Variants in DOCK3 observed in about 807,000 individuals in gnomAD.
DOCK3 encodes the protein dedicator of cytokinesis protein 3.
A neutral mutation model predicts 265.6 loss-of-function variants in DOCK3; 60 were observed. That is an observed-to-expected ratio of 0.23 (90% CI 0.18 to 0.28). DOCK3 has a LOEUF of 0.28. Ranked by LOEUF, DOCK3 falls within the 10% of genes least tolerant of loss-of-function variation. DOCK3 has a pLI of 1.00. For synonymous variants in DOCK3, 881 were observed against 938.0 expected, an observed-to-expected ratio of 0.94 and a Z score of 1.11; for missense variants, 1,981 against 2,594.3, an observed-to-expected ratio of 0.76 and a Z score of 5.14.
At chr3:51,275,321 C>T in intron 25 of DOCK3, 115 bp downstream of exon 25, 1 of 1,494,666 alleles carries the variant, frequency 6.7e-7, no homozygotes, top group Non-Finnish European at 9.1e-7. Flanking sequence ...CAGATGCTTT[C>T]ATCAGTGACA....
intron 9 of DOCK3, among the ~76,000 whole-genome samples, chr3:51,109,158 A>G (rs544723612): frequency 6.6e-6 from 1 of 152,326 alleles, no homozygotes; most frequent in East Asian, 1.9e-4. Context: ...CAAAGCAAGC[A>G]AAGTCACATC....
intron 2 of DOCK3, among the ~76,000 whole-genome samples, chr3:50,793,577 C>T (rs1201087334): frequency 6.6e-6 from 1 of 151,996 alleles, no homozygotes; most frequent in Non-Finnish European, 1.5e-5. Flanking sequence ...AGGCTGGTCT[C>T]GAACTCCTGA....
intron 12 of DOCK3, among the ~76,000 whole-genome samples, chr3:51,174,350 T>G (rs1024115953): frequency 1.3e-5 from 2 of 152,068 alleles, no homozygotes; most frequent in Non-Finnish European, 1.5e-5. Context: ...GTGCCTATAA[T>G]CCCAGCTACT....
intron 5 of DOCK3, among the ~76,000 whole-genome samples, chr3:51,030,188 C>T (rs1264758611): frequency 6.6e-6 from 1 of 152,174 alleles, no homozygotes; most frequent in Non-Finnish European, 1.5e-5. Context: ...TTCCATTTTG[C>T]ACTCCAAACT....
chr3:50,883,133 G>C lies in DOCK3; in HGVS notation c.163-6893G>C, dbSNP rs186683212. Among the ~76,000 whole-genome samples the C allele has an allele frequency of 1.8e-4, 27 of 152,246 alleles. No homozygotes were observed. In the East Asian group the frequency reaches 2.7e-3, roughly 15 times the overall value. On this transcript the variant is annotated intron_variant, in intron 3 of 52. Coordinates refer to ENST00000266037, the MANE Select transcript of DOCK3 (RefSeq NM_004947.5). Reference sequence around the variant, plus strand: ...GGCCTGTCGTGGGGTGGGGGAATGGGGGAGGGATAGCATTGGGAGATATAC... The same window carrying C: ...GGCCTGTCGTGGGGTGGGGGAATGGCGGAGGGATAGCATTGGGAGATATAC...
intron 5 of DOCK3, among the ~76,000 whole-genome samples, chr3:50,956,553 A>G (rs1296185213): frequency 6.6e-6 from 1 of 152,198 alleles, no homozygotes; most frequent in Non-Finnish European, 1.5e-5. Context: ...TTTGGCATCC[A>G]TTATTCCATT....
At chr3:51,173,765 A>G (rs948402405) in intron 12 of DOCK3, among the ~76,000 whole-genome samples, 2 of 152,074 alleles carry the variant, frequency 1.3e-5, no homozygotes, top group Non-Finnish European at 2.9e-5. Flanking sequence ...TTTACTCTTG[A>G]CACTTTGACA....
chr3:50,947,853 A>C (rs1449646609), intron 5 of DOCK3, among the ~76,000 whole-genome samples: 1 of 148,086 alleles, frequency 6.8e-6, no homozygotes, highest in Non-Finnish European at 1.5e-5. Context: ...AAATTTCTGC[A>C]GTTTTTCTTT....
At position 50,826,185 on chromosome 3, in the gene DOCK3, T is replaced by C. The variant is rs560983757; in HGVS notation, c.122-15490T>C. ...TGTAAGTTGCTAAGCCTTTTTTTTT[T>C]TCCTTGTTTACTTTTCCCTCAGCCT... On this transcript the variant is annotated intron_variant, in intron 2 of 52. Coordinates refer to ENST00000266037, the MANE Select transcript of DOCK3 (RefSeq NM_004947.5). Among the ~76,000 whole-genome samples the C allele has an allele frequency of 1.1e-4, 17 of 152,224 alleles. No homozygotes were observed. In the East Asian group the frequency reaches 2.9e-3, roughly 26 times the overall value.
intron 9 of DOCK3, among the ~76,000 whole-genome samples, chr3:51,097,954 C>T (rs1004872010): frequency 6.6e-6 from 1 of 152,186 alleles, no homozygotes; most frequent in African/African-American, 2.4e-5. Flanking sequence ...ACTGTCTAAC[C>T]AGCCCCAATG....
intron 51 of DOCK3, among the ~76,000 whole-genome samples, chr3:51,379,841 C>G (rs2088475086): frequency 6.6e-6 from 1 of 152,268 alleles, no homozygotes; most frequent in Admixed American, 6.5e-5. Flanking sequence ...ACCAGACTGT[C>G]TCATCGCCTA....
rs1166631932 is a variant in DOCK3, at chr3:51,089,898, CA to C, written c.592-309del. Among the ~76,000 whole-genome samples, 294 of 42,296 alleles carry C rather than the reference CA, an allele frequency of 7.0e-3. 1 individual carries two copies. Among genetic ancestry groups the C allele is most frequent in the East Asian group, 0.028 (40 of 1,442 alleles). The allele number at this position is 42,296 out of a possible 152,430, so 27.7% of individuals were successfully genotyped here. A position where few individuals can be genotyped will look rare whatever the true frequency, so the allele number is the denominator to read the frequency against. On this transcript the variant is annotated intron_variant, in intron 8 of 52. Transcript: ENST00000266037. ...TGGGTGACAGAGTGAGACTCTGTCT[CA>C]AAAAAAAAAAAAAAAAAAAAAAGGA...
At chr3:51,056,000 A>G (rs1185190985) in intron 5 of DOCK3, among the ~76,000 whole-genome samples, 2 of 152,206 alleles carry the variant, frequency 1.3e-5, no homozygotes, top group Non-Finnish European at 2.9e-5. Context: ...TGTATGTGCC[A>G]AGGAAATACA....
chr3:50,978,515 G>C (rs1393518240), intron 5 of DOCK3, among the ~76,000 whole-genome samples: 1 of 152,176 alleles, frequency 6.6e-6, no homozygotes, highest in Non-Finnish European at 1.5e-5. Flanking sequence ...CAGATCTCCA[G>C]CTGCGTACTG....
chr3:50,777,826 G>T (rs2108509999), intron 1 of DOCK3, among the ~76,000 whole-genome samples: 1 of 151,986 alleles, frequency 6.6e-6, no homozygotes, highest in Non-Finnish European at 1.5e-5. Context: ...TGTATGACGG[G>T]TTTTCTAAGT....
At chr3:51,206,386 C>T (rs138215478) in intron 12 of DOCK3, among the ~76,000 whole-genome samples, 16 of 152,030 alleles carry the variant, frequency 1.1e-4, no homozygotes, top group Non-Finnish European at 2.1e-4. Flanking sequence ...GACTTGCAGT[C>T]GAGTGAAGTG....
At chr3:50,836,856 T>A (rs1278897702) in intron 2 of DOCK3, among the ~76,000 whole-genome samples, 1 of 152,210 alleles carries the variant, frequency 6.6e-6, no homozygotes, top group Non-Finnish European at 1.5e-5. Context: ...TTCCGCCAGA[T>A]ACCCTAAATC....
At chr3:50,882,313 A>G (rs1303245756) in intron 3 of DOCK3, among the ~76,000 whole-genome samples, 1 of 152,244 alleles carries the variant, frequency 6.6e-6, no homozygotes, top group African/African-American at 2.4e-5. Flanking sequence ...AGAAACTACC[A>G]TCAGAGTGAA....
intron 5 of DOCK3, among the ~76,000 whole-genome samples, chr3:50,940,763 T>G (rs1238041314): frequency 1.3e-5 from 2 of 152,070 alleles, no homozygotes; most frequent in African/African-American, 2.4e-5. Flanking sequence ...GAGCCTGAGA[T>G]GTAGATTCAC....
Sources: allele counts gnomAD v4.1 joint callset (sites outside exome capture counted in the v4.1 genomes callset), GRCh38; gene constraint gnomAD v4.1.1; transcripts MANE v1.5; gene names NCBI Gene and HGNC (gene_info 2026-07-23, HGNC 2026-07-21).